PERM1: variants seen among roughly 807,000 people sequenced by gnomAD.
The protein encoded by PERM1 is PPARGC1 and ESRR induced regulator, muscle 1.
PERM1 carries 45 observed loss-of-function variants against 44.1 expected under a neutral mutation model. The ratio of observed to expected loss-of-function variants is 1.02; its 90% CI spans 0.80 to 1.31. The LOEUF (loss-of-function observed/expected upper bound fraction) is 1.31, where lower values mean the gene tolerates loss of function less well. PERM1 is among the 50% of genes most tolerant of loss of function. The pLI, the probability that PERM1 is intolerant of heterozygous loss-of-function variation, is 0.00. For missense variants in PERM1, 1,189 were observed against 1,106.9 expected, an observed-to-expected ratio of 1.07 and a Z score of -1.05; for synonymous variants, 565 against 477.1, an observed-to-expected ratio of 1.18 and a Z score of -2.40.
At chr1:976,536 C>T (rs74045046) in exon 2 of PERM1, 253,034 of 1,549,336 alleles carry the variant, frequency 0.16, 21,243 homozygotes, top group African/African-American at 0.22. Flanking sequence ...GATCTGACGT[C>T]CTCACAGCCC....
chr1:976,514 C>T (rs1169096332), exon 2 of PERM1: 1 of 1,549,574 alleles, frequency 6.5e-7, no homozygotes, highest in South Asian at 1.2e-5. Context: ...TTCCAGGCGT[C>T]TGGGGTATGC....
exon 1 of PERM1, chr1:979,601 A>C (rs1643730105): frequency 6.5e-7 from 1 of 1,550,110 alleles, no homozygotes; most frequent in Non-Finnish European, 8.7e-7. Flanking sequence ...GAGGGCTCAG[A>C]CACAACCGCC....
At chr1:979,445 G>C in exon 1 of PERM1, 19 of 1,543,644 alleles carry the variant, frequency 1.2e-5, no homozygotes, top group Non-Finnish European at 1.7e-5. Context: ...GTTGCTGTCT[G>C]GGGGGCTGAG....
chr1:981,665 T>C (rs1222927189), upstream of PERM1, among the ~76,000 whole-genome samples: 3 of 152,220 alleles, frequency 2.0e-5, no homozygotes, highest in Admixed American at 2.0e-4. Context: ...TGGCCAGAGC[T>C]GGCCCAAGTC....
chr1:980,810 AGCCCCGCCG>A lies in PERM1; in HGVS notation c.211_219del (p.Arg71_Gly73del), dbSNP rs887299060. 5.2e-5 allele frequency: 72 copies of A among 1,397,646 alleles called. No individual in the cohort carries two copies. In the African/African-American group the frequency reaches 8.8e-4, roughly 17 times the overall value. 86.6% of individuals were successfully genotyped at this position (1,397,646 alleles called of 1,614,324 possible). The stretch of plus-strand genomic sequence containing the variant: ...TGTGTGGCCACGTCCTCCTCCTCGC[AGCCCCGCCG>A]GCTCCGCCCTCCTGCAGCTAGCTGC... On this transcript the variant is annotated inframe_deletion, in exon 1 of 3. Transcript: ENST00000433179.
At chr1:979,796 C>T in exon 1 of PERM1, 3 of 1,550,402 alleles carry the variant, frequency 1.9e-6, no homozygotes, top group African/African-American at 2.7e-5. Context: ...GGCAAGGCCA[C>T]ATCCAGGCCA....
rs1204919253 is a variant in PERM1, at chr1:979,253, C to G, written c.1777G>C (p.Glu593Gln). ...GCCGCCTCAGCCTCTTCGTTCTCCTCGATGGTGTCACAGAAGAAGAACTCG... is the reference window on the plus strand; with the variant it reads ...GCCGCCTCAGCCTCTTCGTTCTCCTGGATGGTGTCACAGAAGAAGAACTCG... The change falls in exon 1 of 3, where the codon GAG becomes CAG. Residue 593 changes from glutamate (E) to glutamine (Q), a missense_variant. Physicochemically the swap from Glu to Gln is conservative, Grantham distance 29. Around this residue, in one of 3 missense-constraint regions of PERM1, gnomAD observed 900 missense variants for 760.4 expected, o/e 1.18. Transcript: ENST00000433179. The G allele has an allele frequency of 3.2e-6, 5 of 1,549,860 alleles. No individual in the cohort carries two copies. The Admixed American group carries it at 7.9e-5, about 24-fold the overall frequency.
exon 1 of PERM1, chr1:979,244 C>T (rs776894611): frequency 4.1e-5 from 63 of 1,549,964 alleles, no homozygotes; most frequent in Admixed American, 7.8e-5. Context: ...TCAGCCTCTT[C>T]GTTCTCCTCG....
chr1:978,303 C>T (rs1643682151), intron 1 of PERM1, among the ~76,000 whole-genome samples: 1 of 150,446 alleles, frequency 6.6e-6, no homozygotes, highest in Non-Finnish European at 1.5e-5. Context: ...GTGCTGGACA[C>T]GTCTACCCTG....
At chr1:976,075 A>AG (rs1643590542) in exon 3 of PERM1, 1 of 1,203,518 alleles carries the variant, frequency 8.3e-7, no homozygotes, top group South Asian at 1.5e-5. Context: ...GGTAGAAGAG[A>AG]GGGGTCAGAG....
exon 1 of PERM1, chr1:980,277 T>C (rs1484640145): frequency 6.5e-7 from 1 of 1,550,372 alleles, no homozygotes; most frequent in Admixed American, 2.0e-5. Flanking sequence ...GGCCCAAACC[T>C]GGCCCTGGTC....
exon 3 of PERM1, chr1:976,253 G>A (rs1160505064): frequency 6.6e-6 from 10 of 1,526,368 alleles, no homozygotes; most frequent in East Asian, 4.9e-5. Context: ...AGATGGTGCC[G>A]ACGTTGGCCA....
Position 980,214 on chromosome 1 carries a change from C to T in PERM1, c.816G>A (p.Pro272=), listed in dbSNP as rs181321538. 286 of 1,550,392 alleles carry T rather than the reference C, an allele frequency of 1.8e-4. No homozygotes were observed. In the East Asian group the frequency reaches 5.8e-3, roughly 31 times the overall value. The change falls in exon 1 of 3, where the codon CCG becomes CCA. Residue 272 remains proline (P), a synonymous_variant. Transcript: ENST00000433179. The stretch of plus-strand genomic sequence containing the variant: ...ACACTGTGTGCAGCTTGGCTCGGCG[C>T]GGGGTTCTGATTTGGTCTGTGCCTT...
At chr1:979,642 C>A (rs1381434230) in exon 1 of PERM1, 5 of 1,550,136 alleles carry the variant, frequency 3.2e-6, no homozygotes, top group African/African-American at 1.4e-5. Flanking sequence ...CCCAGCTCTG[C>A]GGGTGGGAGG....
exon 2 of PERM1, chr1:976,544 C>T: frequency 1.3e-6 from 2 of 1,549,566 alleles, no homozygotes; most frequent in South Asian, 1.2e-5. Context: ...GTCCTCACAG[C>T]CCAGGTGGCA....
At chr1:980,460 G>A (rs1237946895) in exon 1 of PERM1, 20 of 1,535,520 alleles carry the variant, frequency 1.3e-5, no homozygotes, top group Non-Finnish European at 1.7e-5. Flanking sequence ...CACCCCCCTT[G>A]GCACCCACAG....
intron 1 of PERM1, 113 bp downstream of exon 2, chr1:978,768 A>AG: frequency 1.0e-6 from 1 of 997,248 alleles, no homozygotes; most frequent in Non-Finnish European, 1.4e-6. Flanking sequence ...CTCCCCTGCT[A>AG]GGGGATGACC....
At chr1:979,002 C>T (rs1049026513) in exon 1 of PERM1, 8 of 1,530,378 alleles carry the variant, frequency 5.2e-6, no homozygotes, top group East Asian at 2.5e-5. Context: ...GCGGGACAGC[C>T]GGCCCCAGCA....
chr1:976,149 T>C (rs1643593521), exon 3 of PERM1: 1 of 1,544,388 alleles, frequency 6.5e-7, no homozygotes, highest in Non-Finnish European at 8.7e-7. Flanking sequence ...TCATCCTGCA[T>C]CTCCCTGGCC....
Sources: gnomAD v4.1 joint callset for allele counts (sites outside exome capture counted in the v4.1 genomes callset) on GRCh38, gnomAD v4.1.1 for gene constraint, gnomAD v4.1.1 regional missense constraint, MANE v1.5 for transcripts, NCBI Gene and HGNC (gene_info 2026-07-23, HGNC 2026-07-21) for gene names.